Variants in SLC7A1 observed in about 807,000 individuals in gnomAD.
SLC7A1 encodes the protein solute carrier family 7 member 1.
In SLC7A1, 10 loss-of-function variants were observed where a neutral mutation model predicts 53.9. The observed-to-expected ratio is 0.19, with a 90% CI of 0.11 to 0.31. The LOEUF is 0.31. Ranked by LOEUF, SLC7A1 falls within the 10% of genes least tolerant of loss-of-function variation. The pLI is 1.00. For synonymous variants in SLC7A1, 342 were observed against 338.7 expected (o/e 1.01, Z -0.11); for missense variants, 525 against 827.2 (o/e 0.63, Z 4.48).
chr13:29,557,246 C>T (rs1475203229), intron 1 of SLC7A1, among the ~76,000 whole-genome samples: 5 of 152,114 alleles, frequency 3.3e-5, no homozygotes, highest in East Asian at 1.9e-4. Context: ...TCCAGGGGTA[C>T]GTGGGGACTA....
chr13:29,533,045 G>T, intron 3 of SLC7A1, 63 bp from the exon 4 acceptor site: 1 of 1,487,232 alleles, frequency 6.7e-7, no homozygotes. Flanking sequence ...TATTTGTAGT[G>T]GAGCTCCATG....
chr13:29,561,761 G>A (rs1185080774), intron 1 of SLC7A1, among the ~76,000 whole-genome samples: 1 of 152,192 alleles, frequency 6.6e-6, no homozygotes, highest in East Asian at 1.9e-4. Flanking sequence ...TGCCCTCTGA[G>A]GCTCTCGAGG....
At chr13:29,577,435 G>A (rs1281408011) in intron 1 of SLC7A1, among the ~76,000 whole-genome samples, 8 of 152,338 alleles carry the variant, frequency 5.3e-5, no homozygotes, top group Admixed American at 2.6e-4. Context: ...GAAGCTGGAT[G>A]CCCAGTGTAG....
chr13:29,547,376 G>C (rs1869968795), intron 2 of SLC7A1, among the ~76,000 whole-genome samples: 1 of 152,160 alleles, frequency 6.6e-6, no homozygotes, highest in Non-Finnish European at 1.5e-5. Flanking sequence ...ACCCAACCGG[G>C]GCTTCGGCGG....
chr13:29,517,594 T>C lies in SLC7A1; in HGVS notation c.1489A>G (p.Asn497Asp). 6.2e-7 allele frequency: 1 copy of C among 1,614,084 alleles called. No individual in the cohort carries two copies. Among genetic ancestry groups the C allele is most frequent in the Non-Finnish European group, 8.5e-7 (1 of 1,179,906 alleles). Reference protein sequence around the residue: ...EPSKISGLIVNISTSLIAVLI... With the variant: ...EPSKISGLIVDISTSLIAVLI... ...TTACCTATGAGGCTGGTTGAAATGT[T>C]CACAATTAGCCCAGAGATTTTGGAA... Residue 497 changes from asparagine to aspartate, a missense_variant, in exon 10 of 13, where the codon AAC (asparagine) becomes GAC (aspartate). Around this residue, in one of 4 missense-constraint regions of SLC7A1, gnomAD observed 122 missense variants for 140.9 expected, o/e 0.87. Transcript: ENST00000380752.
At chr13:29,580,100 G>A (rs1482052383) in intron 1 of SLC7A1, among the ~76,000 whole-genome samples, 3 of 152,194 alleles carry the variant, frequency 2.0e-5, no homozygotes, top group Admixed American at 2.0e-4. Context: ...GCATCTTAGT[G>A]CAAGCTCTTC....
chr13:29,529,708 T>C (rs1319291675), intron 5 of SLC7A1, among the ~76,000 whole-genome samples: 1 of 152,238 alleles, frequency 6.6e-6, no homozygotes, highest in African/African-American at 2.4e-5. Flanking sequence ...CACTCCATTG[T>C]GGCAGTTGGA....
At chr13:29,522,006 A>C (rs1481667707) in intron 8 of SLC7A1, among the ~76,000 whole-genome samples, 1 of 152,158 alleles carries the variant, frequency 6.6e-6, no homozygotes, top group Non-Finnish European at 1.5e-5. Flanking sequence ...CCTGCCCTTG[A>C]CTACTCAGGG....
chr13:29,573,444 A>G (rs532708939), intron 1 of SLC7A1, among the ~76,000 whole-genome samples: 1 of 152,298 alleles, frequency 6.6e-6, no homozygotes, highest in Admixed American at 6.5e-5. Flanking sequence ...TAGCACACAG[A>G]TGATGGGGAG....
chr13:29,561,547 G>C (rs1870756887), intron 1 of SLC7A1, among the ~76,000 whole-genome samples: 1 of 152,166 alleles, frequency 6.6e-6, no homozygotes. Flanking sequence ...ACTACAATTA[G>C]TTTAATTTAT....
intron 3 of SLC7A1, among the ~76,000 whole-genome samples, chr13:29,533,532 C>T (rs1218080805): frequency 6.6e-6 from 1 of 152,194 alleles, no homozygotes; most frequent in Admixed American, 6.5e-5. Flanking sequence ...AGGGGCTGAA[C>T]TCCATCTCAG....
At chr13:29,569,694 A>T (rs952950825) in intron 1 of SLC7A1, among the ~76,000 whole-genome samples, 4 of 151,178 alleles carry the variant, frequency 2.6e-5, no homozygotes, top group Non-Finnish European at 4.4e-5. Flanking sequence ...ACAGATTTTT[A>T]AAAAATTCTT....
intron 12 of SLC7A1, among the ~76,000 whole-genome samples, 176 bp from the exon 13 acceptor site, chr13:29,514,759 C>T (rs1054722227): frequency 8.5e-5 from 13 of 152,202 alleles, no homozygotes; most frequent in Non-Finnish European, 1.8e-4. Context: ...AGCTGCCACA[C>T]GAAGGCCACT....
chr13:29,523,180 T>C (rs1168913554), intron 7 of SLC7A1, 86 bp downstream of exon 7: 2 of 1,088,704 alleles, frequency 1.8e-6, no homozygotes, highest in Non-Finnish European at 2.8e-6. Context: ...GATGTGTGTC[T>C]CGCATGGCTG....
intron 4 of SLC7A1, among the ~76,000 whole-genome samples, chr13:29,531,130 A>C (rs1869139369): frequency 1.3e-5 from 2 of 152,232 alleles, no homozygotes; most frequent in Admixed American, 1.3e-4. Context: ...AAGACTTTGC[A>C]TAGTTTCCTG....
chr13:29,565,407 G>A (rs1870926966), intron 1 of SLC7A1, among the ~76,000 whole-genome samples: 1 of 152,214 alleles, frequency 6.6e-6, no homozygotes, highest in African/African-American at 2.4e-5. Context: ...GGCGTTCCCA[G>A]AACAGGGCCT....
At chr13:29,586,005 C>A (rs767596123) in intron 1 of SLC7A1, among the ~76,000 whole-genome samples, 5 of 152,096 alleles carry the variant, frequency 3.3e-5, no homozygotes, top group Admixed American at 3.3e-4. Context: ...ACAAACTGGC[C>A]CAAAGGTTCC....
At chr13:29,520,855 C>T (rs17073592) in intron 8 of SLC7A1, among the ~76,000 whole-genome samples, 3,011 of 152,326 alleles carry the variant, frequency 0.02, 106 homozygotes, top group African/African-American at 0.068. Flanking sequence ...TTCCTACTCA[C>T]GGGAAACTTG....
At chr13:29,567,109 G>A (rs963416963) in intron 1 of SLC7A1, among the ~76,000 whole-genome samples, 5 of 152,156 alleles carry the variant, frequency 3.3e-5, no homozygotes, top group African/African-American at 7.2e-5. Context: ...TACAACTGCC[G>A]CCTCATCTTC....
Sources: gnomAD v4.1 joint callset for allele counts (sites outside exome capture counted in the v4.1 genomes callset) on GRCh38, gnomAD v4.1.1 for gene constraint, gnomAD v4.1.1 regional missense constraint, MANE v1.5 for transcripts, NCBI Gene and HGNC (gene_info 2026-07-23, HGNC 2026-07-21) for gene names.